The following PRKCE variants were observed in gnomAD, a reference collection of about 807,000 sequenced individuals.
The protein encoded by PRKCE is protein kinase C epsilon type.
In PRKCE, 16 loss-of-function variants were observed where a neutral mutation model predicts 85.4. The ratio of observed to expected loss-of-function variants is 0.19; its 90% CI spans 0.13 to 0.28. The LOEUF (loss-of-function observed/expected upper bound fraction) is 0.28, where lower values mean the gene tolerates loss of function less well. Among genes scored for constraint, PRKCE ranks in the 10% least tolerant of loss-of-function variants. The probability of loss-of-function intolerance (pLI) is 1.00; values close to 1 mark genes in which losing one functional copy is unlikely to be tolerated. For synonymous variants in PRKCE, 388 were observed against 371.5 expected (o/e 1.04, Z -0.51); for missense variants, 573 against 975.2 (o/e 0.59, Z 5.49).
intron 10 of PRKCE, among the ~76,000 whole-genome samples, chr2:46,052,524 C>T (rs1460857921): frequency 6.6e-6 from 1 of 152,176 alleles, no homozygotes; most frequent in Non-Finnish European, 1.5e-5. Flanking sequence ...AAAAAACATT[C>T]CATGTTTGTG....
In PRKCE at chr2:46,185,005, T is replaced by C; in HGVS notation, c.*124T>C. On this transcript the variant is annotated 3_prime_UTR_variant, in exon 15 of 15. Coordinates refer to ENST00000306156, the MANE Select transcript of PRKCE (RefSeq NM_005400.3). The surrounding 1 kb of genome is among the most constrained non-coding windows in gnomAD (Gnocchi z 4.7). ...CTCGGAGCCCCAGTCCCATGTCCAC[T>C]GTCTATTTATTGCATTCCCTTGCCC... The C allele has an allele frequency of 6.0e-6, 8 of 1,327,768 alleles. No homozygotes were observed. In the East Asian group the frequency reaches 1.9e-4, roughly 31 times the overall value. The allele number at this position is 1,327,768 out of a possible 1,614,324, so 82.2% of individuals were successfully genotyped here.
chr2:46,051,277 CT>C lies in PRKCE; in HGVS notation c.1438-34930del, dbSNP rs955424515. Among the ~76,000 whole-genome samples the C allele has an allele frequency of 9.2e-5, 14 of 152,296 alleles. 1 individual carries two copies. Among genetic ancestry groups the C allele is most frequent in the African/African-American group, 3.4e-4 (14 of 41,564 alleles). On this transcript the variant is annotated intron_variant, in intron 10 of 14. Coordinates refer to ENST00000306156, the MANE Select transcript of PRKCE (RefSeq NM_005400.3). ...AAGTGGTAGCCTGGGTAGTGGGCCC[CT>C]GGGCTGGTGGTTTCTGGTGGCAAGA...
chr2:46,043,054 C>G (rs1027879189), intron 10 of PRKCE, among the ~76,000 whole-genome samples: 4 of 151,734 alleles, frequency 2.6e-5, no homozygotes, highest in African/African-American at 9.7e-5. Context: ...ACTTCCCATC[C>G]AAATTAAACA....
chr2:45,881,614 T>C (rs953710161), intron 2 of PRKCE, among the ~76,000 whole-genome samples: 3 of 152,224 alleles, frequency 2.0e-5, no homozygotes, highest in Admixed American at 6.5e-5. Context: ...CTATGTGATG[T>C]TTATTCTCTT....
chr2:45,924,163 T>C (rs2103967872), intron 2 of PRKCE, among the ~76,000 whole-genome samples: 1 of 152,278 alleles, frequency 6.6e-6, no homozygotes, highest in East Asian at 1.9e-4. Context: ...AACCTTTCCT[T>C]ATGGGTGGGG....
intron 1 of PRKCE, among the ~76,000 whole-genome samples, chr2:45,736,127 A>G (rs1433588129): frequency 1.3e-5 from 2 of 151,906 alleles, no homozygotes; most frequent in Non-Finnish European, 2.9e-5. Context: ...CACTCAGCTG[A>G]TTTTTGTATT....
intron 5 of PRKCE, among the ~76,000 whole-genome samples, chr2:45,982,855 G>T (rs766147702): frequency 2.6e-5 from 4 of 152,162 alleles, no homozygotes; most frequent in Non-Finnish European, 4.4e-5. Context: ...CTGGGACAAC[G>T]TCCCCACTTT....
chr2:45,859,339 G>A (rs1414393113), intron 2 of PRKCE, among the ~76,000 whole-genome samples: 2 of 152,034 alleles, frequency 1.3e-5, no homozygotes, highest in African/African-American at 4.8e-5. Context: ...TATTTACCCA[G>A]GCATGGTAAA....
intron 1 of PRKCE, among the ~76,000 whole-genome samples, chr2:45,658,752 A>G (rs1229403718): frequency 6.6e-6 from 1 of 152,256 alleles, no homozygotes; most frequent in East Asian, 1.9e-4. Flanking sequence ...ATCTTAAATC[A>G]GAACATATGG....
intron 1 of PRKCE, among the ~76,000 whole-genome samples, chr2:45,737,393 C>T (rs1234368804): frequency 2.6e-5 from 4 of 152,230 alleles, no homozygotes; most frequent in African/African-American, 7.2e-5. Flanking sequence ...TCCTGGAACA[C>T]GCTGTGCTCT....
intron 2 of PRKCE, among the ~76,000 whole-genome samples, chr2:45,877,592 C>G (rs1194121527): frequency 6.6e-6 from 1 of 152,094 alleles, no homozygotes; most frequent in Non-Finnish European, 1.5e-5. Flanking sequence ...ATTTGGTTCT[C>G]TATAAAATAT....
chr2:46,173,243 C>T (rs929497499), intron 14 of PRKCE, among the ~76,000 whole-genome samples: 30 of 152,316 alleles, frequency 2.0e-4, no homozygotes, highest in Admixed American at 2.6e-4. Flanking sequence ...AAAGTTTTAT[C>T]GGAACACAGC....
chr2:45,753,430 A>G (rs1025788931), intron 1 of PRKCE, among the ~76,000 whole-genome samples: 8 of 152,370 alleles, frequency 5.3e-5, no homozygotes, highest in African/African-American at 1.9e-4. Flanking sequence ...ATTTCTGTCC[A>G]TGTTTTTAGG....
chr2:45,986,088 G>A (rs1373684686), intron 6 of PRKCE, among the ~76,000 whole-genome samples: 2 of 152,242 alleles, frequency 1.3e-5, no homozygotes, highest in African/African-American at 4.8e-5. Flanking sequence ...ACAGGTAGGA[G>A]GAAAAGTAGC....
chr2:46,082,939 A>G (rs920339763), intron 10 of PRKCE, among the ~76,000 whole-genome samples: 1 of 152,098 alleles, frequency 6.6e-6, no homozygotes, highest in Non-Finnish European at 1.5e-5. Context: ...GGCAGCTTCT[A>G]TTACTCAATC....
At chr2:45,930,098 G>C (rs1277044480) in intron 2 of PRKCE, among the ~76,000 whole-genome samples, 1 of 152,216 alleles carries the variant, frequency 6.6e-6, no homozygotes, top group Non-Finnish European at 1.5e-5. Context: ...TCTGATGTTG[G>C]TTTCCTTTGG....
intron 6 of PRKCE, among the ~76,000 whole-genome samples, chr2:45,993,996 C>G (rs1301683227): frequency 6.6e-6 from 1 of 152,032 alleles, no homozygotes; most frequent in Non-Finnish European, 1.5e-5. Flanking sequence ...CTCAGTTGAA[C>G]TGTCCAGGCT....
intron 10 of PRKCE, among the ~76,000 whole-genome samples, chr2:46,016,681 G>T (rs1385885742): frequency 6.6e-6 from 1 of 152,086 alleles, no homozygotes; most frequent in Non-Finnish European, 1.5e-5. Context: ...GGCCGAGGCA[G>T]GTGGATCACC....
At chr2:45,814,757 C>G (rs761834667) in intron 1 of PRKCE, among the ~76,000 whole-genome samples, 17 of 152,138 alleles carry the variant, frequency 1.1e-4, no homozygotes, top group African/African-American at 3.9e-4. Flanking sequence ...GCTGACATGT[C>G]CTAGCTCTGG....
Sources: gnomAD v4.1 joint callset for allele counts (sites outside exome capture counted in the v4.1 genomes callset) on GRCh38, gnomAD v4.1.1 for gene constraint, Gnocchi (gnomAD v3.1) non-coding constraint, MANE v1.5 for transcripts, NCBI Gene and HGNC (gene_info 2026-07-23, HGNC 2026-07-21) for gene names.